Variants in RRP15 observed in about 807,000 individuals in gnomAD.
The protein encoded by RRP15 is RRP15-like protein.
A neutral mutation model predicts 27.1 loss-of-function variants in RRP15; 18 were observed. The ratio of observed to expected loss-of-function variants is 0.66; its 90% CI spans 0.46 to 0.98. The LOEUF is 0.98. Among genes scored for constraint, RRP15 ranks in the 50% least tolerant of loss-of-function variants. The pLI is 0.00. For synonymous variants in RRP15, 107 were observed against 109.4 expected, an observed-to-expected ratio of 0.98 and a Z score of 0.14; for missense variants, 359 against 337.8, an observed-to-expected ratio of 1.06 and a Z score of -0.49.
intron 4 of RRP15, among the ~76,000 whole-genome samples, chr1:218,308,847 TA>T: frequency 6.6e-6 from 1 of 152,352 alleles, no homozygotes; most frequent in East Asian, 1.9e-4. Context: ...AAGGCTTTAA[TA>T]GGCTGTATTC....
At chr1:218,287,407 G>A (rs897259208) in intron 1 of RRP15, among the ~76,000 whole-genome samples, 8 of 151,964 alleles carry the variant, frequency 5.3e-5, no homozygotes, top group Non-Finnish European at 1.0e-4. Context: ...GCCACATTAC[G>A]GGTTAAAAAG....
At chr1:218,309,486 C>A (rs1180633236) in intron 4 of RRP15, among the ~76,000 whole-genome samples, 2 of 151,970 alleles carry the variant, frequency 1.3e-5, no homozygotes, top group African/African-American at 4.8e-5. Context: ...AGTTCGAGAC[C>A]AGCCTGGCCA....
Position 218,307,608 on chromosome 1 carries a change from C to A in RRP15, c.681C>A (p.Ser227Arg). The A allele has an allele frequency of 6.2e-7, 1 of 1,613,648 alleles. No individual in the cohort carries two copies. The highest frequency in any genetic ancestry group is 1.1e-5 in the South Asian group (1 of 91,030). Residue 227 changes from serine (S) to arginine (R), a missense_variant, in exon 4 of 5, where the codon AGC becomes AGA. Ser to Arg is a moderately radical substitution (Grantham distance 110, BLOSUM62 -1). Transcript: ENST00000366932. ...GAAGTACAAATGAGACTGCTTCAAG[C>A]AGGAAGAAACCAAAAGCCAAACAGG... Reference protein sequence around the residue: ...MDGSTNETASSRKKPKAKQTE... With the variant: ...MDGSTNETASRRKKPKAKQTE...
chr1:218,295,861 T>G (rs939738637), intron 1 of RRP15, among the ~76,000 whole-genome samples: 1 of 152,198 alleles, frequency 6.6e-6, no homozygotes, highest in Non-Finnish European at 1.5e-5. Flanking sequence ...ATCATTTTAT[T>G]TTTGGTTATT....
At position 218,309,706 on chromosome 1, in the gene RRP15, A is replaced by AC. The variant is rs1349058382; in HGVS notation, c.705+2074_705+2075insC. ...TCAAAAAAAAAAAAAAAAAAAAAAA[A>AC]AACATATTTATTAAGTGCCTGTTTC... On this transcript the variant is annotated intron_variant, in intron 4 of 4. Transcript: ENST00000366932. Among the ~76,000 whole-genome samples, 64 of 151,536 alleles carry AC rather than the reference A, an allele frequency of 4.2e-4. 1 individual carries two copies. In the East Asian group the frequency reaches 9.5e-3, roughly 23 times the overall value.
chr1:218,310,139 T>A (rs922825992), intron 4 of RRP15, among the ~76,000 whole-genome samples: 9 of 152,334 alleles, frequency 5.9e-5, no homozygotes, highest in Admixed American at 5.9e-4. Context: ...TGCCATTTTT[T>A]CTTATATTTA....
chr1:218,336,058 C>T lies in RRP15; in HGVS notation c.*4967C>T, dbSNP rs575219413. On this transcript the variant is annotated 3_prime_UTR_variant, in exon 5 of 5. Coordinates refer to ENST00000366932, the MANE Select transcript of RRP15 (RefSeq NM_016052.4). ...ACCAAAAGGACATTTTGAGAACTGCCGGAGCAACAGATACCACCATGTAAG... is the reference window on the plus strand; with the variant it reads ...ACCAAAAGGACATTTTGAGAACTGCTGGAGCAACAGATACCACCATGTAAG... 15 of 152,032 alleles carry T rather than the reference C, an allele frequency of 9.9e-5. No individual in the cohort carries two copies. Among genetic ancestry groups the T allele is most frequent in the African/African-American group, 3.4e-4 (14 of 41,486 alleles). The allele number at this position is 152,032 out of a possible 1,614,324, so 9.4% of individuals were successfully genotyped here.
chr1:218,330,544 A>T (rs1228019241), intron 4 of RRP15, among the ~76,000 whole-genome samples: 1 of 152,188 alleles, frequency 6.6e-6, no homozygotes, highest in Non-Finnish European at 1.5e-5. Context: ...TTAAATTGTC[A>T]GTTGCGGTGA....
intron 4 of RRP15, among the ~76,000 whole-genome samples, chr1:218,325,687 C>T (rs1384811625): frequency 2.0e-5 from 3 of 152,110 alleles, no homozygotes; most frequent in East Asian, 1.9e-4. Context: ...ATAATATTCT[C>T]ATTGTGTCCT....
At chr1:218,326,229 C>T (rs944012313) in intron 4 of RRP15, among the ~76,000 whole-genome samples, 20 of 152,234 alleles carry the variant, frequency 1.3e-4, no homozygotes, top group African/African-American at 4.3e-4. Flanking sequence ...TCGGTTGAAC[C>T]CAAGAGGTGG....
chr1:218,307,659 G>C, intron 4 of RRP15, 27 bp downstream of exon 4: 1 of 1,492,236 alleles, frequency 6.7e-7, no homozygotes, highest in African/African-American at 1.4e-5. Context: ...AGGATTCAGT[G>C]TATCAGACTT....
chr1:218,307,542 T>G lies in RRP15; in HGVS notation c.615T>G (p.Val205=). 1.2e-6 allele frequency: 2 copies of G among 1,613,750 alleles called. No homozygotes were observed. The highest frequency in any genetic ancestry group is 2.2e-5 in the East Asian group (1 of 44,848). The change falls in exon 4 of 5, where the codon GTT becomes GTG. Residue 205 remains valine (V), a synonymous_variant. Transcript: ENST00000366932. The stretch of plus-strand genomic sequence containing the variant: ...AGCGTGCTAAGTTGATATCAACTGT[T>G]TCCAAGAAAGATTTCATCAGTGTTT... ...MRKRAKLIST[V]SKKDFISVLR...
chr1:218,320,005 C>G lies in RRP15; in HGVS notation c.706-10943C>G, dbSNP rs1253763315. 2.0e-5 allele frequency among the ~76,000 whole-genome samples: 3 copies of G among 147,984 alleles called. No individual in the cohort carries two copies. The East Asian group carries it at 5.9e-4, about 29-fold the overall frequency. On this transcript the variant is annotated intron_variant, in intron 4 of 4. Coordinates refer to ENST00000366932, the MANE Select transcript of RRP15 (RefSeq NM_016052.4). ...CCCTGAAGTGTTACATTTGACTTTTCAGGTACCTTAGGTTTTTTTTTTTTT... is the reference window on the plus strand; with the variant it reads ...CCCTGAAGTGTTACATTTGACTTTTGAGGTACCTTAGGTTTTTTTTTTTTT...
At chr1:218,298,223 CCTTT>C (rs1415554515) in intron 1 of RRP15, among the ~76,000 whole-genome samples, 4 of 152,114 alleles carry the variant, frequency 2.6e-5, no homozygotes, top group Non-Finnish European at 5.9e-5. Flanking sequence ...TTGGCTTCCT[CCTTT>C]CTTTTGTCAT....
chr1:218,310,782 T>C (rs1655982825), intron 4 of RRP15, among the ~76,000 whole-genome samples: 1 of 151,942 alleles, frequency 6.6e-6, no homozygotes. Flanking sequence ...AAAGTCTTGC[T>C]CTGTTGCCCA....
intron 4 of RRP15, among the ~76,000 whole-genome samples, chr1:218,318,374 G>A (rs1656122880): frequency 6.6e-6 from 1 of 151,910 alleles, no homozygotes; most frequent in Admixed American, 6.6e-5. Context: ...TTTTGTTCTA[G>A]ACCAATCCCT....
intron 1 of RRP15, among the ~76,000 whole-genome samples, chr1:218,301,095 C>A (rs569761463): frequency 6.6e-6 from 1 of 152,142 alleles, no homozygotes; most frequent in South Asian, 2.1e-4. Flanking sequence ...CAGCTAATGG[C>A]ATTTTCTGTA....
At chr1:218,324,577 A>G (rs1656242287) in intron 4 of RRP15, among the ~76,000 whole-genome samples, 1 of 152,248 alleles carries the variant, frequency 6.6e-6, no homozygotes, top group Non-Finnish European at 1.5e-5. Context: ...ATGGTCGGCC[A>G]CTGCCATCAC....
chr1:218,289,409 A>G (rs921415414), intron 1 of RRP15, among the ~76,000 whole-genome samples: 1 of 152,212 alleles, frequency 6.6e-6, no homozygotes, highest in Admixed American at 6.5e-5. Flanking sequence ...CACTCGTTTT[A>G]TTCCATAATC....
Sources: gnomAD v4.1 joint callset for allele counts (sites outside exome capture counted in the v4.1 genomes callset) on GRCh38, gnomAD v4.1.1 for gene constraint, MANE v1.5 for transcripts, NCBI Gene and HGNC (gene_info 2026-07-23, HGNC 2026-07-21) for gene names.